The following USH2A variants were observed in gnomAD, a reference collection of about 807,000 sequenced individuals.
USH2A encodes usherin.
A neutral mutation model predicts 538.9 loss-of-function variants in USH2A; 443 were observed. The ratio of observed to expected loss-of-function variants is 0.82; its 90% CI spans 0.76 to 0.89. USH2A has a LOEUF of 0.89. Among genes scored for constraint, USH2A ranks in the 40% least tolerant of loss-of-function variants. USH2A has a pLI of 0.00. For synonymous variants in USH2A, 2,413 were observed against 2,273.5 expected, an observed-to-expected ratio of 1.06 and a Z score of -1.75; for missense variants, 6,633 against 6,324.8, an observed-to-expected ratio of 1.05 and a Z score of -1.65.
chr1:215,829,247 G>A (rs1558116916), intron 47 of USH2A, among the ~76,000 whole-genome samples: 1 of 152,148 alleles, frequency 6.6e-6, no homozygotes, highest in Non-Finnish European at 1.5e-5. Context: ...TTATTTGTGT[G>A]CTATGGAATC....
chr1:215,996,567 T>C (rs928630056), intron 34 of USH2A, among the ~76,000 whole-genome samples: 6 of 44,430 alleles, frequency 1.4e-4, no homozygotes. Flanking sequence ...TATGTTTTTT[T>C]TTTTTTTTTT....
At chr1:216,168,776 A>T (rs535811614) in intron 21 of USH2A, among the ~76,000 whole-genome samples, 3,146 of 152,202 alleles carry the variant, frequency 0.021, 101 homozygotes, top group African/African-American at 0.071. Context: ...AACTCATGAA[A>T]TAGCTATCAC....
At chr1:215,722,348 G>T (rs892311097) in intron 61 of USH2A, among the ~76,000 whole-genome samples, 5 of 152,060 alleles carry the variant, frequency 3.3e-5, no homozygotes, top group South Asian at 4.1e-4. Flanking sequence ...GGGGAGAAAA[G>T]GCTAAGAATC....
rs143208990 is a variant in USH2A, at chr1:216,083,488, C to A, written c.5266G>T (p.Val1756Phe). ...AAATCAGGTCCATCTTTGTTATAAA[C>A]GAAAAGAAGCAATCCATTTAATTGG... is the stretch of plus-strand genomic sequence containing the variant. Reference protein sequence around the residue: ...TDQLNGLLLFVYNKDGPDFLA... With the variant: ...TDQLNGLLLFFYNKDGPDFLA... Residue 1756 changes from valine to phenylalanine, a missense_variant, in exon 26 of 72, where the codon GTT becomes TTT. By Grantham distance (50) the Val-to-Phe change is conservative (BLOSUM62 -1). Coordinates refer to ENST00000307340, the MANE Select transcript of USH2A (RefSeq NM_206933.4). 1 of 1,611,850 alleles carries A rather than the reference C, an allele frequency of 6.2e-7. No individual in the cohort carries two copies. The highest frequency in any genetic ancestry group is 1.1e-5 in the South Asian group (1 of 90,940).
At chr1:216,131,131 C>A (rs1223762259) in intron 21 of USH2A, among the ~76,000 whole-genome samples, 1 of 151,772 alleles carries the variant, frequency 6.6e-6, no homozygotes, top group African/African-American at 2.4e-5. Flanking sequence ...CTATTTATGT[C>A]CTTAGCCCAC....
At chr1:215,707,365 C>A (rs867867123) in intron 61 of USH2A, among the ~76,000 whole-genome samples, 1 of 152,170 alleles carries the variant, frequency 6.6e-6, no homozygotes, top group Non-Finnish European at 1.5e-5. Flanking sequence ...TTGTCACTCA[C>A]ACTAGATGTA....
chr1:215,941,334 AAGAG>A lies in USH2A; in HGVS notation c.7121-6543_7121-6540del, dbSNP rs560921480. ...ATATATATGTATATAAACACACAGAAAGAGAGAGAGAGTAAATTCAGAGATGTAC... is the reference window on the plus strand; with the variant it reads ...ATATATATGTATATAAACACACAGAAAGAGAGAGTAAATTCAGAGATGTAC... On this transcript the variant is annotated intron_variant, in intron 37 of 71. Transcript: ENST00000307340. Among the ~76,000 whole-genome samples, 368 of 152,168 alleles carry A rather than the reference AAGAG, an allele frequency of 2.4e-3. 1 individual carries two copies. Among genetic ancestry groups the A allele is most frequent in the Non-Finnish European group, 4.1e-3 (277 of 67,982 alleles).
At chr1:215,768,352 G>A (rs11578717) in intron 55 of USH2A, among the ~76,000 whole-genome samples, 2 of 152,140 alleles carry the variant, frequency 1.3e-5, no homozygotes, top group African/African-American at 4.8e-5. Context: ...TTCGTTAAAC[G>A]AATGAAAAAA....
At chr1:216,050,596 CTTTCTTTCTTT>C (rs2030734913) in intron 30 of USH2A, among the ~76,000 whole-genome samples, 2 of 45,630 alleles carry the variant, frequency 4.4e-5, no homozygotes, top group African/African-American at 1.1e-4. Context: ...TTCTTTCTTT[CTTTCTTTCTTT>C]TTTTTTTTTT....
intron 4 of USH2A, among the ~76,000 whole-genome samples, chr1:216,335,964 A>T (rs536082961): frequency 1.3e-5 from 2 of 151,688 alleles, no homozygotes; most frequent in Admixed American, 6.6e-5. Flanking sequence ...CATCAAAGAC[A>T]TCAAAAGAAA....
At chr1:216,117,268 AT>A (rs2102590993) in intron 21 of USH2A, among the ~76,000 whole-genome samples, 1 of 152,272 alleles carries the variant, frequency 6.6e-6, no homozygotes, top group East Asian at 1.9e-4. Flanking sequence ...AGACTGCAAT[AT>A]TTATCTCCAA....
At chr1:216,169,965 A>G (rs1425808808) in intron 21 of USH2A, among the ~76,000 whole-genome samples, 1 of 151,942 alleles carries the variant, frequency 6.6e-6, no homozygotes, top group Non-Finnish European at 1.5e-5. Context: ...TATTTTTTTC[A>G]AGCGCTTTCT....
At chr1:216,039,588 G>A (rs924674564) in intron 32 of USH2A, among the ~76,000 whole-genome samples, 1 of 151,918 alleles carries the variant, frequency 6.6e-6, no homozygotes, top group Admixed American at 6.6e-5. Context: ...ACTGCAATGT[G>A]ATATTTAAAT....
Position 216,232,009 on chromosome 1 carries a change from C to T in USH2A, c.2937G>A (p.Gly979=), listed in dbSNP as rs1350432200. The change falls in exon 14 of 72, where the codon GGG becomes GGA. Residue 979 remains glycine (G), a synonymous_variant. Transcript: ENST00000307340. ...GGTCTTTGCATTGGTCACAACGTTG[C>T]CCAGCAATGGAAGCATCTTGGCAAA... ...QCVCQDASIA[G]QRCDQCKDHY... 8 of 1,614,024 alleles carry T rather than the reference C, an allele frequency of 5.0e-6. No homozygotes were observed. The highest frequency in any genetic ancestry group is 6.8e-6 in the Non-Finnish European group (8 of 1,179,924).
At position 216,325,562 on chromosome 1, in the gene USH2A, A is replaced by G. The variant is rs538506721; in HGVS notation, c.886T>C (p.Leu296=). The change falls in exon 6 of 72, where the codon TTG becomes CTG. Residue 296 remains leucine (L), a synonymous_variant. Coordinates refer to ENST00000307340, the MANE Select transcript of USH2A (RefSeq NM_206933.4). ...LEVFSGDLLR[L]HAQSHCRCPG... ...CAACGGCAATGTGATTGGGCATGCA[A>G]TCTGAGAAGATCTCCAGAGAAGACT... 6.2e-7 allele frequency: 1 copy of G among 1,613,382 alleles called. No individual in the cohort carries two copies. The highest frequency in any genetic ancestry group is 2.2e-5 in the East Asian group (1 of 44,766).
chr1:216,204,473 A>G (rs1218911938), intron 16 of USH2A: 1 of 152,178 alleles, frequency 6.6e-6, no homozygotes. Flanking sequence ...ACACCAGTAT[A>G]TCATGATCCT....
At chr1:215,767,481 G>A (rs1026716777) in intron 55 of USH2A, among the ~76,000 whole-genome samples, 1 of 152,168 alleles carries the variant, frequency 6.6e-6, no homozygotes, top group African/African-American at 2.4e-5. Context: ...CTTTTTTGAG[G>A]TGTGTTGATT....
At chr1:215,816,966 AT>A in intron 48 of USH2A, 30 bp downstream of exon 48, 1 of 1,608,554 alleles carries the variant, frequency 6.2e-7, no homozygotes, top group South Asian at 1.1e-5. Context: ...TGAGAAAAAC[AT>A]GGTTCACTGA....
At chr1:215,945,102 A>G (rs148742731) in intron 37 of USH2A, among the ~76,000 whole-genome samples, 82 of 152,256 alleles carry the variant, frequency 5.4e-4, no homozygotes, top group African/African-American at 1.8e-3. Flanking sequence ...CAAGAGAACA[A>G]TAATATGGTA....
Sources: allele counts gnomAD v4.1 joint callset (sites outside exome capture counted in the v4.1 genomes callset), GRCh38; gene constraint gnomAD v4.1.1; transcripts MANE v1.5; gene names NCBI Gene and HGNC (gene_info 2026-07-23, HGNC 2026-07-21).